RBFOX1: variants seen among roughly 807,000 people sequenced by gnomAD.
RBFOX1 encodes RNA binding fox-1 homolog 1.
In RBFOX1, 8 loss-of-function variants were observed where a neutral mutation model predicts 57.7. That is an observed-to-expected ratio of 0.14 (90% CI 0.08 to 0.25). The LOEUF (loss-of-function observed/expected upper bound fraction) is 0.25, where lower values mean the gene tolerates loss of function less well. Among genes scored for constraint, RBFOX1 ranks in the 10% least tolerant of loss-of-function variants. The probability of loss-of-function intolerance (pLI) is 1.00; values close to 1 mark genes in which losing one functional copy is unlikely to be tolerated. For missense variants in RBFOX1, 611 were observed against 548.5 expected (o/e 1.11, Z -1.14); for synonymous variants, 326 against 222.4 (o/e 1.47, Z -4.15).
intron 3 of RBFOX1, among the ~76,000 whole-genome samples, chr16:6,707,957 C>G (rs564307460): frequency 2.0e-5 from 3 of 152,100 alleles, no homozygotes; most frequent in Non-Finnish European, 2.9e-5. Context: ...GAGGTAGAAG[C>G]AGGATGCATT....
chr16:6,897,783 G>C (rs984292517), intron 3 of RBFOX1, among the ~76,000 whole-genome samples: 2 of 152,154 alleles, frequency 1.3e-5, no homozygotes, highest in African/African-American at 4.8e-5. Flanking sequence ...GACAGAGCGA[G>C]ATTCCGTCTC....
intron 2 of RBFOX1, among the ~76,000 whole-genome samples, chr16:6,412,178 C>T (rs1194111205): frequency 6.6e-6 from 1 of 151,806 alleles, no homozygotes. Flanking sequence ...AAACATGGCC[C>T]TTTCACAGTA....
chr16:5,895,203 C>T (rs2058136184), intron 4 of RBFOX1, among the ~76,000 whole-genome samples: 1 of 152,104 alleles, frequency 6.6e-6, no homozygotes, highest in Admixed American at 6.6e-5. Flanking sequence ...ATGCTGAGGT[C>T]ATAGTGTTAA....
intron 4 of RBFOX1, among the ~76,000 whole-genome samples, chr16:7,085,473 G>A (rs759372806): frequency 7.2e-5 from 11 of 152,136 alleles, no homozygotes; most frequent in Non-Finnish European, 1.2e-4. Flanking sequence ...GCACCGTCAG[G>A]GTATTTGCTG....
chr16:5,308,827 C>T (rs1210677271), intron 1 of RBFOX1, among the ~76,000 whole-genome samples: 3 of 151,898 alleles, frequency 2.0e-5, no homozygotes, highest in African/African-American at 7.3e-5. Flanking sequence ...CTGGAGATCT[C>T]TCTCGCAGAT....
intron 10 of RBFOX1, among the ~76,000 whole-genome samples, chr16:7,626,903 G>A (rs546777731): frequency 6.6e-6 from 1 of 152,310 alleles, no homozygotes; most frequent in African/African-American, 2.4e-5. Context: ...ATGAAAAGAT[G>A]AGTATGATTT....
intron 3 of RBFOX1, among the ~76,000 whole-genome samples, chr16:5,666,264 T>C (rs1010054753): frequency 6.6e-6 from 1 of 152,234 alleles, no homozygotes; most frequent in Non-Finnish European, 1.5e-5. Context: ...AAATGCATGA[T>C]TGGAGCCTCA....
At chr16:6,026,708 G>C (rs775979550) in intron 1 of RBFOX1, among the ~76,000 whole-genome samples, 1 of 152,226 alleles carries the variant, frequency 6.6e-6, no homozygotes, top group Non-Finnish European at 1.5e-5. Context: ...CTAGATTTCT[G>C]CACTGGTGCA....
chr16:5,394,565 CTT>C (rs35758196), intron 1 of RBFOX1, among the ~76,000 whole-genome samples: 9,324 of 134,128 alleles, frequency 0.07, 776 homozygotes, highest in African/African-American at 0.23. Context: ...TTCTTTCTGT[CTT>C]TTTTTTTTTT....
intron 1 of RBFOX1, among the ~76,000 whole-genome samples, chr16:5,390,280 GTTTTTTTTTTCTTTTT>G (rs1255487493): frequency 2.0e-5 from 1 of 49,410 alleles, no homozygotes; most frequent in African/African-American, 6.4e-5. Context: ...TCGAAAAGTA[GTTTTTTTTTTCTTTTT>G]TTTTTTTTTT....
At chr16:7,172,546 T>C (rs1273274900) in intron 4 of RBFOX1, among the ~76,000 whole-genome samples, 2 of 152,174 alleles carry the variant, frequency 1.3e-5, no homozygotes, top group East Asian at 3.9e-4. Context: ...TGAGAAATTG[T>C]GCCAAGTTCC....
intron 6 of RBFOX1, among the ~76,000 whole-genome samples, chr16:7,585,711 A>C (rs1457240088): frequency 2.6e-5 from 4 of 152,058 alleles, no homozygotes; most frequent in Non-Finnish European, 5.9e-5. Flanking sequence ...ATTTGTTTCT[A>C]CTGTTTCTGG....
At chr16:6,587,290 CT>C (rs34524206) in intron 2 of RBFOX1, among the ~76,000 whole-genome samples, 58,496 of 151,000 alleles carry the variant, frequency 0.39, 12,226 homozygotes, top group Middle Eastern at 0.53. Flanking sequence ...TGAGTTTGGC[CT>C]TTTTTTTTGA....
chr16:5,834,811 TAGATAGATAGACAGAC>T lies in RBFOX1; in HGVS notation c.319-32488_319-32473del, dbSNP rs1273662271. Among the ~76,000 whole-genome samples the T allele has an allele frequency of 4.2e-3, 618 of 146,464 alleles. 2 individuals are homozygous for T. The highest frequency in any genetic ancestry group is 0.031 in the Middle Eastern group (9 of 292). ...ATAGATAGATAGATAGATAGATAGA[TAGATAGATAGACAGAC>T]AGACAGACAGATTTCTTTTCCATTG... is the stretch of plus-strand genomic sequence containing the variant. On this transcript the variant is annotated intron_variant, in intron 3 of 19. Transcript: ENST00000641259.
intron 2 of RBFOX1, among the ~76,000 whole-genome samples, chr16:5,512,832 T>C (rs1316064379): frequency 6.6e-6 from 1 of 152,208 alleles, no homozygotes; most frequent in Non-Finnish European, 1.5e-5. Flanking sequence ...CATGTCTGCT[T>C]TCTGTTTTGG....
At chr16:6,336,182 T>TATATATATATATATA (rs58185113) in intron 2 of RBFOX1, among the ~76,000 whole-genome samples, 3 of 23,950 alleles carry the variant, frequency 1.3e-4, no homozygotes, top group East Asian at 2.0e-3. Flanking sequence ...TATATATATA[T>TATATATATATATATA]TTTTTTTTTT....
At chr16:7,547,258 G>T (rs528921447) in intron 5 of RBFOX1, among the ~76,000 whole-genome samples, 1 of 152,340 alleles carries the variant, frequency 6.6e-6, no homozygotes, top group East Asian at 1.9e-4. Context: ...CAGGCAACCT[G>T]CTAGCTCATA....
intron 1 of RBFOX1, among the ~76,000 whole-genome samples, chr16:5,415,514 C>T (rs957538782): frequency 2.0e-4 from 30 of 152,278 alleles, no homozygotes; most frequent in African/African-American, 7.2e-4. Flanking sequence ...CTCAGGGATC[C>T]AACTCCAGGA....
chr16:7,347,922 G>C (rs554223485), intron 4 of RBFOX1, among the ~76,000 whole-genome samples: 14 of 152,158 alleles, frequency 9.2e-5, no homozygotes, highest in Non-Finnish European at 1.9e-4. Context: ...CTATCCTGTG[G>C]CTGACACTCA....
Sources: gnomAD v4.1 joint callset for allele counts (sites outside exome capture counted in the v4.1 genomes callset) on GRCh38, gnomAD v4.1.1 for gene constraint, MANE v1.5 for transcripts, NCBI Gene and HGNC (gene_info 2026-07-23, HGNC 2026-07-21) for gene names.